The following LRRC7 variants were observed in gnomAD, a reference collection of about 807,000 sequenced individuals.
LRRC7 encodes leucine-rich repeat-containing protein 7.
Under a neutral mutation model 175.7 loss-of-function variants are expected in LRRC7, and 23 were observed. That is an observed-to-expected ratio of 0.13 (90% CI 0.09 to 0.19). The LOEUF (loss-of-function observed/expected upper bound fraction) is 0.19, where lower values mean the gene tolerates loss of function less well. Ranked by LOEUF, LRRC7 falls within the 10% of genes least tolerant of loss-of-function variation. The pLI, the probability that LRRC7 is intolerant of heterozygous loss-of-function variation, is 1.00. For synonymous variants in LRRC7, 685 were observed against 680.9 expected, an observed-to-expected ratio of 1.01 and a Z score of -0.09; for missense variants, 1,354 against 1,904.7, an observed-to-expected ratio of 0.71 and a Z score of 5.38.
intron 8 of LRRC7, among the ~76,000 whole-genome samples, chr1:69,946,126 T>C (rs1649282075): frequency 6.6e-6 from 1 of 152,188 alleles, no homozygotes; most frequent in African/African-American, 2.4e-5. Context: ...TGCATGACCT[T>C]TAGCATGTTG....
At chr1:69,921,938 T>G (rs926284848) in intron 7 of LRRC7, among the ~76,000 whole-genome samples, 4 of 152,208 alleles carry the variant, frequency 2.6e-5, no homozygotes, top group Admixed American at 6.5e-5. Context: ...TTTGTTTGTT[T>G]GTTTGAGACG....
At chr1:69,579,778 C>A (rs1646116234) in intron 1 of LRRC7, among the ~76,000 whole-genome samples, 1 of 147,350 alleles carries the variant, frequency 6.8e-6, no homozygotes, top group South Asian at 2.2e-4. Context: ...TAAGGAGTGT[C>A]TCTTTTGAAT....
Position 70,130,877 on chromosome 1 carries a change from T to A in LRRC7, c.*8990T>A, listed in dbSNP as rs950556517. 2.6e-5 allele frequency among the ~76,000 whole-genome samples: 4 copies of A among 152,202 alleles called. No individual in the cohort carries two copies. The highest frequency in any genetic ancestry group is 9.7e-5 in the African/African-American group (4 of 41,450). ...CCACCTACCTATTTAGCTCTAAATT[T>A]TAATCAAACTGCTGCCAAATGCTGC... is the stretch of plus-strand genomic sequence containing the variant. On this transcript the variant is annotated 3_prime_UTR_variant, in exon 27 of 27. Coordinates refer to ENST00000651989, the MANE Select transcript of LRRC7 (RefSeq NM_001370785.2).
chr1:69,839,102 A>G, intron 7 of LRRC7: 1 of 277,802 alleles, frequency 3.6e-6, no homozygotes, highest in East Asian at 1.2e-4. Context: ...ACATTTCAGT[A>G]GGACTTAGAT....
In LRRC7 at chr1:70,139,627, G is replaced by C. The variant is rs977083961; in HGVS notation, c.*17740G>C. ...TACTATTTGAAAACTAGCTCTGCAG[G>C]AAGGGTTAAATCAAATCCTTTACAG... is the stretch of plus-strand genomic sequence containing the variant. On this transcript the variant is annotated 3_prime_UTR_variant, in exon 27 of 27. Transcript: ENST00000651989. 1.3e-5 allele frequency: 2 copies of C among 152,132 alleles called. No homozygotes were observed. Among genetic ancestry groups the C allele is most frequent in the African/African-American group, 4.8e-5 (2 of 41,436 alleles). 9.4% of individuals were successfully genotyped at this position (152,132 alleles called of 1,614,324 possible). A position where few individuals can be genotyped will look rare whatever the true frequency, so the allele number is the denominator to read the frequency against.
At position 70,032,914 on chromosome 1, in the gene LRRC7, A is replaced by G. The variant is rs191143150; in HGVS notation, c.1996-3207A>G. On this transcript the variant is annotated intron_variant, in intron 18 of 26. Coordinates refer to ENST00000651989, the MANE Select transcript of LRRC7 (RefSeq NM_001370785.2). The stretch of plus-strand genomic sequence containing the variant: ...CTCACCAGAAAGAAAATATGGTTCA[A>G]TGTACTTACAATGGAATCCCCACTA... Among the ~76,000 whole-genome samples, 3 of 152,308 alleles carry G rather than the reference A, an allele frequency of 2.0e-5. No homozygotes were observed. The East Asian group carries it at 5.8e-4, about 29-fold the overall frequency.
chr1:70,066,311 C>T (rs1396915603), intron 23 of LRRC7, among the ~76,000 whole-genome samples: 1 of 151,964 alleles, frequency 6.6e-6, no homozygotes, highest in Non-Finnish European at 1.5e-5. Context: ...CATAAGATTG[C>T]ATAACTAAAA....
At chr1:69,734,514 A>G (rs773411649) in intron 2 of LRRC7, among the ~76,000 whole-genome samples, 25 of 151,944 alleles carry the variant, frequency 1.6e-4, no homozygotes, top group Non-Finnish European at 3.7e-4. Context: ...CATTATCTAC[A>G]ATATCATTTT....
intron 4 of LRRC7, among the ~76,000 whole-genome samples, chr1:69,809,120 C>G (rs2101131310): frequency 6.6e-6 from 1 of 152,252 alleles, no homozygotes; most frequent in South Asian, 2.1e-4. Flanking sequence ...AAAATACAAA[C>G]TACCATCAGA....
At chr1:69,972,941 T>A (rs1652403619) in intron 8 of LRRC7, among the ~76,000 whole-genome samples, 2 of 146,414 alleles carry the variant, frequency 1.4e-5, no homozygotes, top group African/African-American at 5.0e-5. Context: ...TATATTTATA[T>A]ATATATAAAT....
rs536968755 is a variant in LRRC7 at position 69,925,005 on chromosome 1, A to G, written c.648-6502A>G. ...ACCTAATTTATTGAGAGTTTTTAGC[A>G]TGAAGGGTTGTTGAATTTTGTCAAA... is the stretch of plus-strand genomic sequence containing the variant. On this transcript the variant is annotated intron_variant, in intron 7 of 26. Transcript: ENST00000651989. Among the ~76,000 whole-genome samples, 362 of 152,254 alleles carry G rather than the reference A, an allele frequency of 2.4e-3. 3 individuals are homozygous for G. Among genetic ancestry groups the G allele is most frequent in the African/African-American group, 8.5e-3 (353 of 41,516 alleles).
At chr1:69,658,414 C>T (rs896306454) in intron 1 of LRRC7, among the ~76,000 whole-genome samples, 4 of 151,682 alleles carry the variant, frequency 2.6e-5, no homozygotes, top group East Asian at 3.9e-4. Context: ...AAAATACAAG[C>T]GATATATTTT....
At chr1:69,625,551 A>G (rs1232493308) in intron 1 of LRRC7, among the ~76,000 whole-genome samples, 1 of 140,090 alleles carries the variant, frequency 7.1e-6, no homozygotes, top group Non-Finnish European at 1.6e-5. Context: ...AAGAACTGTA[A>G]ATGAATGCTT....
intron 10 of LRRC7, among the ~76,000 whole-genome samples, chr1:69,991,520 G>A (rs921811602): frequency 3.9e-5 from 6 of 152,104 alleles, no homozygotes; most frequent in African/African-American, 1.4e-4. Context: ...TAGAGTAGCT[G>A]ACTCTCCTCA....
intron 1 of LRRC7, 96 bp downstream of exon 1, chr1:69,568,737 C>CG: frequency 3.4e-5 from 12 of 349,104 alleles, no homozygotes; most frequent in East Asian, 1.9e-4. Flanking sequence ...AGAGGCCGGC[C>CG]GGGGGCGGGG....
chr1:69,903,913 A>G (rs1285753885), intron 7 of LRRC7, among the ~76,000 whole-genome samples: 1 of 152,192 alleles, frequency 6.6e-6, no homozygotes, highest in Non-Finnish European at 1.5e-5. Flanking sequence ...GAAGAAATGG[A>G]TAAATTCCTG....
chr1:69,761,594 T>A (rs114697421), intron 3 of LRRC7, among the ~76,000 whole-genome samples: 1,638 of 152,090 alleles, frequency 0.011, 42 homozygotes, highest in African/African-American at 0.037. Context: ...TATACACAGG[T>A]ATAGTGTATT....
chr1:69,607,983 G>A lies in LRRC7; in HGVS notation c.2+39342G>A, dbSNP rs1265056221. The A allele has an allele frequency of 3.3e-5, 5 of 152,472 alleles. No individual in the cohort carries two copies. In the South Asian group the frequency reaches 8.3e-4, roughly 25 times the overall value. The allele number at this position is 152,472 out of a possible 1,614,324, so 9.4% of individuals were successfully genotyped here. The stretch of plus-strand genomic sequence containing the variant: ...TCAAAGGGACATATTTCCTGGTTTT[G>A]AGCACGATCTTCTGTTTCTTCTGAA... On this transcript the variant is annotated intron_variant, in intron 1 of 26. Coordinates refer to ENST00000651989, the MANE Select transcript of LRRC7 (RefSeq NM_001370785.2).
chr1:69,913,781 G>A (rs895257691), intron 7 of LRRC7, among the ~76,000 whole-genome samples: 1 of 152,118 alleles, frequency 6.6e-6, no homozygotes, highest in Non-Finnish European at 1.5e-5. Context: ...CCAAAGTGCT[G>A]GGATTACTGA....
Sources: allele counts gnomAD v4.1 joint callset (sites outside exome capture counted in the v4.1 genomes callset), GRCh38; gene constraint gnomAD v4.1.1; transcripts MANE v1.5; gene names NCBI Gene and HGNC (gene_info 2026-07-23, HGNC 2026-07-21).